Variants in TARS3 observed in about 807,000 individuals in gnomAD.
The protein encoded by TARS3 is threonyl-tRNA synthetase 3, also known as threonine--tRNA ligase 2, cytoplasmic.
TARS3 carries 94 observed loss-of-function variants against 103.5 expected under a neutral mutation model. The observed-to-expected ratio is 0.91, with a 90% CI of 0.77 to 1.08. TARS3 has a LOEUF of 1.08. Ranked by LOEUF, TARS3 falls within the 50% of genes least tolerant of loss-of-function variation. The probability of loss-of-function intolerance (pLI) is 0.00; values close to 1 mark genes in which losing one functional copy is unlikely to be tolerated. For synonymous variants in TARS3, 416 were observed against 355.4 expected (o/e 1.17, Z -1.92); for missense variants, 952 against 995.2 (o/e 0.96, Z 0.58).
chr15:101,674,602 C>A (rs958126929), intron 13 of TARS3, among the ~76,000 whole-genome samples: 1 of 151,882 alleles, frequency 6.6e-6, no homozygotes, highest in African/African-American at 2.4e-5. Flanking sequence ...GTCAGGAGAT[C>A]GAGACCATCC....
At position 101,684,074 on chromosome 15, in the gene TARS3, C is replaced by G. The variant is rs1031863575; in HGVS notation, c.1650+1G>C. 61 of 1,611,998 alleles carry G rather than the reference C, an allele frequency of 3.8e-5. No individual in the cohort carries two copies. The highest frequency in any genetic ancestry group is 5.2e-5 in the Non-Finnish European group (61 of 1,178,978). ...CTGCTTCACTCTGTGTTATTGTTTA[C>G]CTGCTCCACTGTGCAAAAAATGTGA... is the stretch of plus-strand genomic sequence containing the variant. On this transcript the variant is annotated splice_donor_variant, in intron 12 of 18. Coordinates refer to ENST00000335968, the MANE Select transcript of TARS3 (RefSeq NM_152334.3). LOFTEE classifies it high-confidence loss of function.
chr15:101,708,275 A>C (rs1369720037), intron 6 of TARS3, among the ~76,000 whole-genome samples: 3 of 151,090 alleles, frequency 2.0e-5, no homozygotes, highest in Non-Finnish European at 4.4e-5. Context: ...AAAAAAAAAA[A>C]AAAAAAAAAA....
intron 15 of TARS3, among the ~76,000 whole-genome samples, chr15:101,665,582 C>T (rs181325578): frequency 3.3e-5 from 5 of 152,246 alleles, no homozygotes; most frequent in Non-Finnish European, 5.9e-5. Context: ...CAAATTTGTT[C>T]AACACTCTAA....
intron 2 of TARS3, among the ~76,000 whole-genome samples, chr15:101,722,760 A>G (rs1027408025): frequency 7.9e-5 from 12 of 151,624 alleles, no homozygotes; most frequent in African/African-American, 2.4e-4. Context: ...TGGAGGCTGC[A>G]GTAACCGAGA....
At chr15:101,655,497 A>G (rs1248882595) in intron 18 of TARS3, among the ~76,000 whole-genome samples, 2 of 144,108 alleles carry the variant, frequency 1.4e-5, no homozygotes, top group African/African-American at 2.7e-5. Context: ...GAGCTCTTAC[A>G]GGCTCACACT....
At position 101,675,616 on chromosome 15, in the gene TARS3, C is replaced by T. The variant is rs781731568; in HGVS notation, c.1772G>A (p.Trp591Ter). The change falls in exon 13 of 19, where the codon TGG becomes TAG. Residue 591 changes from tryptophan (W) to a stop codon, truncating the protein, a stop_gained. Coordinates refer to ENST00000335968, the MANE Select transcript of TARS3 (RefSeq NM_152334.3). LOFTEE classifies it high-confidence loss of function. ...PENFLGEIEM[W>*]NEAEKQLQNS... Reference sequence around the variant, plus strand: ...GTCTCTTACCTTCTCAGCCTCATTCCACATCTCAATCTCTCCTAGGAAGTT... The same window carrying T: ...GTCTCTTACCTTCTCAGCCTCATTCTACATCTCAATCTCTCCTAGGAAGTT... 12 of 1,613,196 alleles carry T rather than the reference C, an allele frequency of 7.4e-6. No homozygotes were observed. Among genetic ancestry groups the T allele is most frequent in the Admixed American group, 6.7e-5 (4 of 59,830 alleles).
At chr15:101,669,413 T>C (rs929774123) in intron 15 of TARS3, among the ~76,000 whole-genome samples, 4 of 152,198 alleles carry the variant, frequency 2.6e-5, no homozygotes, top group African/African-American at 7.2e-5. Flanking sequence ...TAATTAACTA[T>C]TGAAGAAAAA....
At chr15:101,696,742 C>T (rs116458698) in intron 10 of TARS3, among the ~76,000 whole-genome samples, 186 of 152,336 alleles carry the variant, frequency 1.2e-3, no homozygotes, top group African/African-American at 4.3e-3. Flanking sequence ...TATACCCACT[C>T]TGTCACTAAC....
At chr15:101,655,812 G>A (rs1897180471) in intron 18 of TARS3, 2 of 1,227,794 alleles carry the variant, frequency 1.6e-6, no homozygotes, top group African/African-American at 3.1e-5. Context: ...TGGCACTAGG[G>A]TGCAGATGAG....
Position 101,724,440 on chromosome 15 carries a change from G to A in TARS3, c.-53C>T. 1.5e-6 allele frequency: 2 copies of A among 1,354,856 alleles called. No individual in the cohort carries two copies. The highest frequency in any genetic ancestry group is 1.9e-6 in the Non-Finnish European group (2 of 1,060,978). 83.9% of individuals were successfully genotyped at this position (1,354,856 alleles called of 1,614,324 possible). A position where few individuals can be genotyped will look rare whatever the true frequency, so the allele number is the denominator to read the frequency against. Reference sequence around the variant, plus strand: ...AGCGGGGTGCCCGCGACTGCGGCGAGGGCGACGCGGACACTCAGCGCACGG... The same window carrying A: ...AGCGGGGTGCCCGCGACTGCGGCGAAGGCGACGCGGACACTCAGCGCACGG... On this transcript the variant is annotated 5_prime_UTR_variant, in exon 1 of 19. Transcript: ENST00000335968.
chr15:101,677,050 A>C (rs1898056212), intron 12 of TARS3, among the ~76,000 whole-genome samples: 1 of 152,108 alleles, frequency 6.6e-6, no homozygotes, highest in Admixed American at 6.6e-5. Context: ...ATAAGTGAGA[A>C]CATATGGAGT....
chr15:101,684,032 C>T (rs917338832), intron 12 of TARS3, 43 bp downstream of exon 12: 1 of 1,584,008 alleles, frequency 6.3e-7, no homozygotes, highest in African/African-American at 1.3e-5. Context: ...GGGCATCACA[C>T]TCAATTTGTG....
intron 9 of TARS3, among the ~76,000 whole-genome samples, chr15:101,701,907 C>T (rs1471963835): frequency 6.6e-6 from 1 of 152,178 alleles, no homozygotes; most frequent in Non-Finnish European, 1.5e-5. Context: ...TCCAGAGTAG[C>T]TGGGACTACA....
At chr15:101,706,500 G>C (rs1899570789) in intron 6 of TARS3, among the ~76,000 whole-genome samples, 1 of 152,096 alleles carries the variant, frequency 6.6e-6, no homozygotes, top group Admixed American at 6.5e-5. Context: ...TAAAATTATA[G>C]GTTACACATG....
chr15:101,673,598 T>C (rs1897904669), intron 13 of TARS3, among the ~76,000 whole-genome samples: 1 of 152,202 alleles, frequency 6.6e-6, no homozygotes, highest in African/African-American at 2.4e-5. Context: ...TTTCAGACTT[T>C]AAAGTCTGGA....
chr15:101,659,411 C>T lies in TARS3; in HGVS notation c.2073-1554G>A, dbSNP rs371150759. On this transcript the variant is annotated intron_variant, in intron 16 of 18. Coordinates refer to ENST00000335968, the MANE Select transcript of TARS3 (RefSeq NM_152334.3). Reference sequence around the variant, plus strand: ...ATTTCCTTTTGAGCTCTGTCCTTATCCCATCCCCAGCCCTACTCCTCTCAA... The same window carrying T: ...ATTTCCTTTTGAGCTCTGTCCTTATTCCATCCCCAGCCCTACTCCTCTCAA... Among the ~76,000 whole-genome samples, 26 of 152,290 alleles carry T rather than the reference C, an allele frequency of 1.7e-4. No individual in the cohort carries two copies. In the East Asian group the frequency reaches 2.3e-3, roughly 14 times the overall value.
In TARS3 at chr15:101,671,704, C is replaced by T. The variant is rs1193332973; in HGVS notation, c.1833G>A (p.Met611Ile). The change falls in exon 14 of 19, where the codon ATG (methionine) becomes ATA (isoleucine). Residue 611 changes from methionine to isoleucine, a missense_variant. This residue lies in a region of TARS3 where 540 missense variants were observed against 631.0 expected (regional missense o/e 0.86). Coordinates refer to ENST00000335968, the MANE Select transcript of TARS3 (RefSeq NM_152334.3). ...CATAAAATGCTCCATCTCCTGGGTT[C>T]ATTTTCCACGGTTCTCCAAAGTCCA... Reference protein sequence around the residue: ...SLMDFGEPWKMNPGDGAFYGP... With the variant: ...SLMDFGEPWKINPGDGAFYGP... 1 of 1,613,964 alleles carries T rather than the reference C, an allele frequency of 6.2e-7. No individual in the cohort carries two copies. The highest frequency in any genetic ancestry group is 8.5e-7 in the Non-Finnish European group (1 of 1,180,000).
chr15:101,692,316 T>C (rs1479247348), intron 10 of TARS3, among the ~76,000 whole-genome samples: 2 of 144,166 alleles, frequency 1.4e-5, no homozygotes, highest in East Asian at 4.1e-4. Context: ...ATCTCCTCAC[T>C]TCTCTCCTCC....
intron 1 of TARS3, 140 bp downstream of exon 1, chr15:101,723,949 AGG>A: frequency 1.4e-6 from 1 of 697,164 alleles, no homozygotes; most frequent in Non-Finnish European, 2.0e-6. Flanking sequence ...CGAGCAGGGC[AGG>A]GCGGGCCAGC....
Sources: allele counts gnomAD v4.1 joint callset (sites outside exome capture counted in the v4.1 genomes callset), GRCh38; gene constraint gnomAD v4.1.1; regional missense constraint gnomAD v4.1.1; transcripts MANE v1.5; gene names NCBI Gene and HGNC (gene_info 2026-07-23, HGNC 2026-07-21).